Variants in AIG1 observed in about 807,000 individuals in gnomAD.
AIG1 encodes the protein androgen-induced gene 1 protein.
AIG1 carries 23 observed loss-of-function variants against 31.4 expected under a neutral mutation model. That is an observed-to-expected ratio of 0.73 (90% CI 0.53 to 1.04). The LOEUF (loss-of-function observed/expected upper bound fraction) is 1.04, where lower values mean the gene tolerates loss of function less well. Among genes scored for constraint, AIG1 ranks in the 50% least tolerant of loss-of-function variants. The pLI is 0.00. For missense variants in AIG1, 274 were observed against 295.0 expected (o/e 0.93, Z 0.52); for synonymous variants, 100 against 110.5 (o/e 0.90, Z 0.60).
chr6:143,321,178 A>G (rs990903744), intron 4 of AIG1, among the ~76,000 whole-genome samples: 1 of 152,160 alleles, frequency 6.6e-6, no homozygotes. Context: ...AAGGTTTTAC[A>G]GGTGATGGTT....
At chr6:143,263,113 C>A (rs1185606360) in intron 3 of AIG1, among the ~76,000 whole-genome samples, 1 of 152,138 alleles carries the variant, frequency 6.6e-6, no homozygotes, top group Non-Finnish European at 1.5e-5. Context: ...AGTACATCAC[C>A]TTTACTCCCC....
At chr6:143,138,050 A>T (rs1164012702) in intron 2 of AIG1, among the ~76,000 whole-genome samples, 2 of 152,198 alleles carry the variant, frequency 1.3e-5, no homozygotes, top group African/African-American at 2.4e-5. Flanking sequence ...AGACACTCAG[A>T]TGGTCACTGA....
chr6:143,168,709 G>T (rs1034263808), intron 3 of AIG1, among the ~76,000 whole-genome samples: 17 of 151,942 alleles, frequency 1.1e-4, no homozygotes, highest in African/African-American at 3.6e-4. Context: ...TGGCTGAGGT[G>T]GGGGGATTGC....
At chr6:143,206,087 C>T (rs757756625) in intron 3 of AIG1, among the ~76,000 whole-genome samples, 2 of 152,150 alleles carry the variant, frequency 1.3e-5, no homozygotes, top group Non-Finnish European at 2.9e-5. Context: ...TTTCCACTTG[C>T]TCCAGTGCTT....
At chr6:143,169,943 T>C (rs1787332374) in intron 3 of AIG1, among the ~76,000 whole-genome samples, 1 of 152,078 alleles carries the variant, frequency 6.6e-6, no homozygotes, top group South Asian at 2.1e-4. Context: ...CTTTCATCTC[T>C]GGGATAAATA....
chr6:143,111,116 T>C (rs959905310), intron 1 of AIG1, among the ~76,000 whole-genome samples: 2 of 152,166 alleles, frequency 1.3e-5, no homozygotes, highest in Non-Finnish European at 2.9e-5. Flanking sequence ...CAGCATACTG[T>C]TTTAGAGTTA....
Position 143,339,999 on chromosome 6 carries a change from A to G in AIG1, c.*323A>G. The G allele has an allele frequency of 4.6e-6, 1 of 216,354 alleles. No individual in the cohort carries two copies. The highest frequency in any genetic ancestry group is 9.0e-6 in the Non-Finnish European group (1 of 110,888). The allele number at this position is 216,354 out of a possible 1,614,324, so 13.4% of individuals were successfully genotyped here. The stretch of plus-strand genomic sequence containing the variant: ...TGTAACTCCATCTAATCAAGAAAGA[A>G]TAAAAGTTTATTGCACTTCTTTTTG... On this transcript the variant is annotated 3_prime_UTR_variant, in exon 6 of 6. Coordinates refer to ENST00000357847, the MANE Select transcript of AIG1 (RefSeq NM_016108.4).
At chr6:143,269,632 T>C (rs576002158) in intron 3 of AIG1, among the ~76,000 whole-genome samples, 4 of 152,326 alleles carry the variant, frequency 2.6e-5, no homozygotes, top group African/African-American at 9.6e-5. Flanking sequence ...TGGAGTACTA[T>C]GCAGCAATGA....
intron 3 of AIG1, among the ~76,000 whole-genome samples, chr6:143,225,674 C>T (rs1040567894): frequency 6.6e-6 from 1 of 151,940 alleles, no homozygotes; most frequent in Non-Finnish European, 1.5e-5. Flanking sequence ...AGAAAAAAAA[C>T]CCTGTAGCTC....
intron 4 of AIG1, among the ~76,000 whole-genome samples, chr6:143,324,877 C>T (rs1182122558): frequency 2.0e-5 from 3 of 152,134 alleles, no homozygotes; most frequent in East Asian, 1.9e-4. Context: ...GATGATATAT[C>T]GACCTCACTG....
intron 4 of AIG1, among the ~76,000 whole-genome samples, chr6:143,317,867 C>G (rs1775894223): frequency 2.0e-5 from 3 of 151,970 alleles, no homozygotes; most frequent in Admixed American, 6.6e-5. Context: ...AGCTGAGAAT[C>G]AAATCAAGAA....
At chr6:143,207,505 C>T (rs751508391) in intron 3 of AIG1, among the ~76,000 whole-genome samples, 47 of 128,558 alleles carry the variant, frequency 3.7e-4, no homozygotes, top group South Asian at 5.7e-4. Flanking sequence ...TTAGATTTCC[C>T]GTAACCATTA....
At chr6:143,312,586 T>C (rs1274090861) in intron 4 of AIG1, among the ~76,000 whole-genome samples, 1 of 152,020 alleles carries the variant, frequency 6.6e-6, no homozygotes, top group Non-Finnish European at 1.5e-5. Flanking sequence ...TTAAATCTAA[T>C]ACCTCAAACT....
intron 4 of AIG1, among the ~76,000 whole-genome samples, chr6:143,285,179 A>G (rs965659801): frequency 1.6e-4 from 25 of 151,936 alleles, no homozygotes; most frequent in African/African-American, 6.0e-4. Context: ...AAAATAAAAT[A>G]AAGGTCACTA....
rs900894717 is a variant in AIG1, at chr6:143,297,927, A to T, written c.515+13702A>T. 6.6e-6 allele frequency among the ~76,000 whole-genome samples: 1 copy of T among 152,156 alleles called. No individual in the cohort carries two copies. Among genetic ancestry groups the T allele is most frequent in the Non-Finnish European group, 1.5e-5 (1 of 68,036 alleles). ...TATTCTCACGCAACAGTAGAAAAAC[A>T]AGATGTGTAAGTCACCCATAAAGCT... On this transcript the variant is annotated intron_variant, in intron 4 of 5. Coordinates refer to ENST00000357847, the MANE Select transcript of AIG1 (RefSeq NM_016108.4). The surrounding 1 kb of genome is among the most constrained non-coding windows in gnomAD (Gnocchi z 5.1).
rs1377255063 is a variant in AIG1, at chr6:143,237,951, AT to A, written c.400-46152del. Among the ~76,000 whole-genome samples the A allele has an allele frequency of 2.0e-5, 3 of 151,898 alleles. No homozygotes were observed. The East Asian group carries it at 5.8e-4, about 29-fold the overall frequency. On this transcript the variant is annotated intron_variant, in intron 3 of 5. Coordinates refer to ENST00000357847, the MANE Select transcript of AIG1 (RefSeq NM_016108.4). ...CATTTTATTTATTTATTTATTTTTT[AT>A]TTTTTTGAGATGGAATCTCACTCTG...
chr6:143,097,572 G>A (rs559159245), intron 1 of AIG1, among the ~76,000 whole-genome samples: 86 of 152,212 alleles, frequency 5.7e-4, no homozygotes, highest in African/African-American at 2.0e-3. Flanking sequence ...TGAGCGCTCC[G>A]TACTGTGCTG....
intron 2 of AIG1, among the ~76,000 whole-genome samples, chr6:143,153,867 A>C (rs556438756): frequency 2.0e-4 from 31 of 151,954 alleles, no homozygotes; most frequent in Admixed American, 9.8e-4. Flanking sequence ...AGAACTAGCT[A>C]TGAAATAATA....
chr6:143,284,188 AC>A lies in AIG1; in HGVS notation c.480del (p.Ala161ProfsTer19), dbSNP rs746219895. On this transcript the variant is annotated frameshift_variant, in exon 4 of 6. Coordinates refer to ENST00000357847, the MANE Select transcript of AIG1 (RefSeq NM_016108.4). LOFTEE classifies it high-confidence loss of function. This position sits in a 1 kb window ranked among gnomAD's most constrained non-coding sequence, Gnocchi z 4.4. ...HQYPSRSSGLTAICTFSVGYI... is the reference protein window; with the variant it reads ...HQYPSRSSGLXAICTFSVGYI... ...GTATCCCAGCAGGAGCAGCGGACTT[AC>A]CGCCATATGTACCTTCTCTGTTGGC... is the stretch of plus-strand genomic sequence containing the variant. 4 of 1,613,820 alleles carry A rather than the reference AC, an allele frequency of 2.5e-6. No individual in the cohort carries two copies. Among genetic ancestry groups the A allele is most frequent in the African/African-American group, 1.3e-5 (1 of 74,924 alleles).
Sources: allele counts gnomAD v4.1 joint callset (sites outside exome capture counted in the v4.1 genomes callset), GRCh38; gene constraint gnomAD v4.1.1; non-coding constraint Gnocchi (gnomAD v3.1); transcripts MANE v1.5; gene names NCBI Gene and HGNC (gene_info 2026-07-23, HGNC 2026-07-21).